STRADB: variants seen among roughly 807,000 people sequenced by gnomAD.
The protein encoded by STRADB is STE20-related kinase adapter protein beta.
STRADB carries 34 observed loss-of-function variants against 52.1 expected under a neutral mutation model. The observed-to-expected ratio is 0.65, with a 90% CI of 0.50 to 0.87. The LOEUF (loss-of-function observed/expected upper bound fraction) is 0.87. Ranked by LOEUF, STRADB falls within the 40% of genes least tolerant of loss-of-function variation. The pLI is 0.00. For synonymous variants in STRADB, 133 were observed against 174.5 expected (o/e 0.76, Z 1.87); for missense variants, 340 against 483.9 (o/e 0.70, Z 2.79).
rs560406528 is a variant in STRADB at position 201,478,671 on chromosome 2, G to A, written c.1070+70G>A. 9.3e-5 allele frequency: 140 copies of A among 1,503,718 alleles called. No homozygotes were observed. In the African/African-American group the frequency reaches 1.8e-3, roughly 19 times the overall value. 93.1% of individuals were successfully genotyped at this position (1,503,718 alleles called of 1,614,324 possible). A position where few individuals can be genotyped will look rare whatever the true frequency, so the allele number is the denominator to read the frequency against. Reference sequence around the variant, plus strand: ...CATTTTATAGAAGCTTTGTAACATTGCCCTTCCAGGAGAATACAAATCTTT... The same window carrying A: ...CATTTTATAGAAGCTTTGTAACATTACCCTTCCAGGAGAATACAAATCTTT... On this transcript the variant is annotated intron_variant, in intron 10 of 11. Coordinates refer to ENST00000194530, the MANE Select transcript of STRADB (RefSeq NM_018571.6).
chr2:201,462,751 G>A (rs1300599282), intron 3 of STRADB, among the ~76,000 whole-genome samples: 2 of 152,046 alleles, frequency 1.3e-5, no homozygotes, highest in East Asian at 1.9e-4. Flanking sequence ...TTTTGAAAAG[G>A]TATTGCAGTT....
chr2:201,469,863 T>G, intron 3 of STRADB, 90 bp from the exon 4 acceptor site: 1 of 910,216 alleles, frequency 1.1e-6, no homozygotes, highest in Non-Finnish European at 1.8e-6. Flanking sequence ...AGCACCTCTG[T>G]GTTTGAAAAT....
intron 7 of STRADB, among the ~76,000 whole-genome samples, chr2:201,477,396 C>A (rs191295364): frequency 2.2e-4 from 34 of 152,256 alleles, no homozygotes; most frequent in African/African-American, 7.7e-4. Flanking sequence ...TCAATTATAT[C>A]TTTACTTGTG....
At chr2:201,474,853 A>G (rs1952447408) in intron 6 of STRADB, 98 bp downstream of exon 6, 5 of 917,004 alleles carry the variant, frequency 5.5e-6, no homozygotes, top group East Asian at 2.7e-5. Flanking sequence ...CATTTAATTT[A>G]TAAGTCTAAT....
chr2:201,461,356 T>A (rs1433957907), intron 3 of STRADB, among the ~76,000 whole-genome samples: 1 of 152,034 alleles, frequency 6.6e-6, no homozygotes, highest in African/African-American at 2.4e-5. Flanking sequence ...ACCCAGCTAA[T>A]TAAAAGAGGT....
intron 7 of STRADB, among the ~76,000 whole-genome samples, chr2:201,476,932 G>C (rs532097574): frequency 8.4e-6 from 1 of 119,126 alleles, no homozygotes; most frequent in Non-Finnish European, 1.6e-5. Flanking sequence ...CAGTAAGCCA[G>C]GATCACTCCA....
At chr2:201,469,692 C>G (rs1302010529) in intron 3 of STRADB, among the ~76,000 whole-genome samples, 1 of 152,196 alleles carries the variant, frequency 6.6e-6, no homozygotes, top group African/African-American at 2.4e-5. Flanking sequence ...AAACATTTTA[C>G]TGGAAATTAC....
At position 201,479,468 on chromosome 2, in the gene STRADB, TAACTTTCTTA is replaced by T. The variant is rs751023974; in HGVS notation, c.1071-18_1071-9del. On this transcript the variant is annotated splice_polypyrimidine_tract_variant and intron_variant, in intron 10 of 11. Coordinates refer to ENST00000194530, the MANE Select transcript of STRADB (RefSeq NM_018571.6). ...TTCTAATATAAAGGTTTTTTTTTTA[TAACTTTCTTA>T]AAAATTTCAGGCCATCAGCAAGCAG... 5.0e-6 allele frequency: 8 copies of T among 1,586,024 alleles called. No individual in the cohort carries two copies. In the Admixed American group the frequency reaches 1.5e-4, roughly 30 times the overall value.
chr2:201,459,470 T>C (rs1400869406), intron 3 of STRADB, among the ~76,000 whole-genome samples: 1 of 152,234 alleles, frequency 6.6e-6, no homozygotes, highest in East Asian at 1.9e-4. Flanking sequence ...ATCTACTATG[T>C]CATCCTAACT....
intron 3 of STRADB, chr2:201,460,914 T>TG (rs1402923638): frequency 6.4e-6 from 1 of 155,704 alleles, no homozygotes; most frequent in Non-Finnish European, 1.4e-5. Context: ...TGGTAGTTTT[T>TG]TTTTTTTTTT....
chr2:201,453,848 G>T (rs969508279), intron 1 of STRADB, among the ~76,000 whole-genome samples: 4 of 152,184 alleles, frequency 2.6e-5, no homozygotes, highest in African/African-American at 9.7e-5. Flanking sequence ...GTAATGAATG[G>T]TAGGTGGCTA....
At position 201,475,639 on chromosome 2, in the gene STRADB, A is replaced by G. The variant is rs751255210; in HGVS notation, c.445A>G (p.Arg149Gly). 3 of 1,611,990 alleles carry G rather than the reference A, an allele frequency of 1.9e-6. No individual in the cohort carries two copies. Among genetic ancestry groups the G allele is most frequent in the East Asian group, 4.5e-5 (2 of 44,856 alleles). The change falls in exon 7 of 12, where the codon AGG (arginine) becomes GGG (glycine). Residue 149 changes from arginine (R) to glycine (G), a missense_variant. Coordinates refer to ENST00000194530, the MANE Select transcript of STRADB (RefSeq NM_018571.6). ...TTCAGGTTCAGCAAGTCAACTCTTGAGGACCTATTTTCCTGAAGGAATGAG... is the reference window on the plus strand; with the variant it reads ...TTCAGGTTCAGCAAGTCAACTCTTGGGGACCTATTTTCCTGAAGGAATGAG... The part of the protein sequence containing the change: ...MAYGSASQLL[R>G]TYFPEGMSET...
Position 201,470,167 on chromosome 2 carries a change from G to A in STRADB, c.193+115G>A. 5 of 734,812 alleles carry A rather than the reference G, an allele frequency of 6.8e-6. No homozygotes were observed. The South Asian group carries it at 8.5e-5, about 13-fold the overall frequency. The allele number at this position is 734,812 out of a possible 1,614,324, so 45.5% of individuals were successfully genotyped here. On this transcript the variant is annotated intron_variant, in intron 4 of 11. Transcript: ENST00000194530. ...TGTTACCTCCAGCATAAAACTAGATGCTAATTGTGTCAGTCAAGTGGATTC... is the reference window on the plus strand; with the variant it reads ...TGTTACCTCCAGCATAAAACTAGATACTAATTGTGTCAGTCAAGTGGATTC...
chr2:201,460,231 G>A lies in STRADB; in HGVS notation c.93+1367G>A, dbSNP rs550675096. 1.4e-4 allele frequency among the ~76,000 whole-genome samples: 22 copies of A among 151,876 alleles called. No individual in the cohort carries two copies. The South Asian group carries it at 4.6e-3, about 32-fold the overall frequency. The stretch of plus-strand genomic sequence containing the variant: ...TCATAAAATAGGAAGTAGTATCTGA[G>A]GGGTTTTTTAAAAAAAAATTTGGAG... On this transcript the variant is annotated intron_variant, in intron 3 of 11. Transcript: ENST00000194530.
chr2:201,471,295 A>G (rs531784333), intron 4 of STRADB, among the ~76,000 whole-genome samples: 1 of 152,274 alleles, frequency 6.6e-6, no homozygotes, highest in Admixed American at 6.5e-5. Context: ...ACAAGGGGAG[A>G]GTAGGCAGTG....
chr2:201,465,446 A>G (rs1952286463), intron 3 of STRADB, among the ~76,000 whole-genome samples: 4 of 152,158 alleles, frequency 2.6e-5, no homozygotes, highest in South Asian at 4.1e-4. Context: ...ACCCTATTCT[A>G]CTGTGGCTGA....
intron 2 of STRADB, among the ~76,000 whole-genome samples, chr2:201,456,123 TA>T (rs1952123505): frequency 6.6e-6 from 1 of 152,200 alleles, no homozygotes; most frequent in Admixed American, 6.5e-5. Flanking sequence ...TTGTTACAGC[TA>T]CTTTTCTGCT....
At chr2:201,455,863 C>A (rs1432852705) in intron 2 of STRADB, among the ~76,000 whole-genome samples, 2 of 152,204 alleles carry the variant, frequency 1.3e-5, no homozygotes, top group African/African-American at 4.8e-5. Flanking sequence ...GAGCCAGACT[C>A]ATACCTGCCA....
In STRADB at chr2:201,467,724, C is replaced by T. The variant is rs559039538; in HGVS notation, c.94-2229C>T. ...TTTGGTTGGCCTTCTCTAGGCATCA[C>T]CATTTTACAATCACCATTTTACAAT... On this transcript the variant is annotated intron_variant, in intron 3 of 11. Transcript: ENST00000194530. Among the ~76,000 whole-genome samples, 5 of 152,304 alleles carry T rather than the reference C, an allele frequency of 3.3e-5. No individual in the cohort carries two copies. The South Asian group carries it at 1.0e-3, about 32-fold the overall frequency.
Sources: allele counts gnomAD v4.1 joint callset (sites outside exome capture counted in the v4.1 genomes callset), GRCh38; gene constraint gnomAD v4.1.1; transcripts MANE v1.5; gene names NCBI Gene and HGNC (gene_info 2026-07-23, HGNC 2026-07-21).